AGT: variants seen among roughly 807,000 people sequenced by gnomAD.
AGT encodes the protein alpha-1 antiproteinase, antitrypsin.
AGT carries 26 observed loss-of-function variants against 28.1 expected under a neutral mutation model. The observed-to-expected ratio is 0.92, with a 90% CI of 0.68 to 1.28. The LOEUF is 1.28. Among genes scored for constraint, AGT ranks in the 50% most tolerant of loss-of-function variants. The probability of loss-of-function intolerance (pLI) is 0.00; values close to 1 mark genes in which losing one functional copy is unlikely to be tolerated. For missense variants in AGT, 596 were observed against 592.3 expected (o/e 1.01, Z -0.06); for synonymous variants, 259 against 259.6 (o/e 1.00, Z 0.02).
intron 1 of AGT, among the ~76,000 whole-genome samples, chr1:230,729,535 C>A (rs1473743142): frequency 2.0e-5 from 3 of 152,164 alleles, no homozygotes; most frequent in African/African-American, 7.2e-5. Flanking sequence ...ACCCGGGAGC[C>A]ATCTCCTTGA....
intron 1 of AGT, among the ~76,000 whole-genome samples, chr1:230,730,517 G>A (rs1472911865): frequency 3.3e-5 from 5 of 152,210 alleles, no homozygotes; most frequent in East Asian, 3.9e-4. Context: ...TTGGCTTCAC[G>A]ATACCATCTT....
intron 1 of AGT, among the ~76,000 whole-genome samples, chr1:230,729,382 C>T (rs2102801979): frequency 6.6e-6 from 1 of 152,350 alleles, no homozygotes; most frequent in Non-Finnish European, 1.5e-5. Context: ...AGGTTTCCCT[C>T]CCTCTCTTAT....
Position 230,705,939 on chromosome 1 carries a change from G to GTTTCTTC in AGT, c.1090_1091insGAAGAAA (p.Ser364Ter). On this transcript the variant is annotated stop_gained and frameshift_variant, in exon 3 of 5. Transcript: ENST00000366667. LOFTEE classifies it high-confidence loss of function. ...GAGACCGGGAGGCTCCTACCGGGGA[G>GTTTCTTC]ATAGTTTCTTCATCCAGTTGAGGGA... 6.2e-7 allele frequency: 1 copy of GTTTCTTC among 1,614,106 alleles called. No homozygotes were observed. Among genetic ancestry groups the GTTTCTTC allele is most frequent in the Non-Finnish European group, 8.5e-7 (1 of 1,179,996 alleles).
rs1663533514 is a variant in AGT at position 230,710,176 on chromosome 1, C to A, written c.648G>T (p.Gln216His). The A allele has an allele frequency of 6.2e-7, 1 of 1,614,092 alleles. No homozygotes were observed. The highest frequency in any genetic ancestry group is 8.5e-7 in the Non-Finnish European group (1 of 1,180,028). ...PGLHLKQPFVQGLALYTPVVL... is the reference protein window; with the variant it reads ...PGLHLKQPFVHGLALYTPVVL... ...CCACAGGGGTATAGAGAGCCAGGCC[C>A]TGCACAAACGGCTGCTTCAGGTGCA... Residue 216 changes from glutamine (Q) to histidine (H), a missense_variant, in exon 2 of 5, where the codon CAG becomes CAT. Gln to His is a conservative substitution (Grantham distance 24). Coordinates refer to ENST00000366667, the MANE Select transcript of AGT (RefSeq NM_001384479.1).
In AGT at chr1:230,710,077, C is replaced by T; in HGVS notation, c.747G>A (p.Val249=). The T allele has an allele frequency of 1.2e-6, 2 of 1,614,214 alleles. No homozygotes were observed. Among genetic ancestry groups the T allele is most frequent in the Non-Finnish European group, 1.7e-6 (2 of 1,180,038 alleles). ...GGGAGCAGCCAGTCTTCCATCCTGT[C>T]ACAGCCTGCATGAACCTGTCAATCT... ...AEKIDRFMQA[V]TGWKTGCSLM... is the part of the protein sequence containing the mutation. The change falls in exon 2 of 5, where the codon GTG becomes GTA. Residue 249 remains valine, a synonymous_variant. Transcript: ENST00000366667.
chr1:230,705,242 T>A (rs1194078486), intron 3 of AGT, among the ~76,000 whole-genome samples: 1 of 152,140 alleles, frequency 6.6e-6, no homozygotes, highest in Non-Finnish European at 1.5e-5. Flanking sequence ...ATGGTTACGA[T>A]GGCAAATTTT....
intron 1 of AGT, among the ~76,000 whole-genome samples, chr1:230,741,505 G>T (rs1169824597): frequency 6.6e-6 from 1 of 152,230 alleles, no homozygotes; most frequent in Non-Finnish European, 1.5e-5. Context: ...TGCCTTTCAG[G>T]AGATGGCTCT....
chr1:230,717,569 C>T (rs1422479914), upstream of AGT, among the ~76,000 whole-genome samples: 1 of 152,176 alleles, frequency 6.6e-6, no homozygotes, highest in Admixed American at 6.5e-5. Flanking sequence ...GCCTTGTTCT[C>T]TGCTGGGATC....
In AGT at chr1:230,710,253, G is replaced by A. The variant is rs745718212; in HGVS notation, c.571C>T (p.Gln191Ter). 1.9e-6 allele frequency: 3 copies of A among 1,613,710 alleles called. No individual in the cohort carries two copies. The highest frequency in any genetic ancestry group is 4.5e-5 in the East Asian group (2 of 44,886). The change falls in exon 2 of 5, where the codon CAG becomes TAG. Residue 191 changes from glutamine (Q) to a stop codon, truncating the protein, a stop_gained. Transcript: ENST00000366667. LOFTEE classifies it high-confidence loss of function. ...ACCGTGGACAGCAGCAGCTGGGCCT[G>A]GCTATCAGCCCTGCCCTGGGCCACT... Reference protein sequence around the residue: ...LLVAQGRADSQAQLLLSTVVG... With the variant: ...LLVAQGRADS
intron 1 of AGT, among the ~76,000 whole-genome samples, chr1:230,739,631 A>T (rs1340064870): frequency 2.6e-5 from 4 of 152,176 alleles, no homozygotes; most frequent in African/African-American, 9.7e-5. Flanking sequence ...CGATAGGAAA[A>T]TGAAACACAA....
chr1:230,732,552 A>G (rs1160330974), intron 1 of AGT, among the ~76,000 whole-genome samples: 3 of 152,228 alleles, frequency 2.0e-5, no homozygotes, highest in Admixed American at 2.0e-4. Flanking sequence ...AACTCCTAAT[A>G]GCCCACTGTT....
At chr1:230,719,763 T>TGCAGA (rs1291280726) in intron 1 of AGT, among the ~76,000 whole-genome samples, 2 of 152,178 alleles carry the variant, frequency 1.3e-5, no homozygotes, top group Admixed American at 1.3e-4. Context: ...TGTCAACAGT[T>TGCAGA]GCAGATTTAT....
intron 2 of AGT, among the ~76,000 whole-genome samples, chr1:230,707,973 C>T (rs1663443647): frequency 6.6e-6 from 1 of 152,182 alleles, no homozygotes; most frequent in Admixed American, 6.5e-5. Context: ...ATCCTCAGGT[C>T]CTCTCTAGTG....
At chr1:230,719,406 G>GTTT (rs57830002), upstream of AGT, among the ~76,000 whole-genome samples, 12 of 100,324 alleles carry the variant, frequency 1.2e-4, no homozygotes, top group Non-Finnish European at 2.2e-4. Context: ...TTATCATTAT[G>GTTT]TTTTTTTTTT....
chr1:230,732,218 C>T (rs1664082407), intron 1 of AGT, among the ~76,000 whole-genome samples: 1 of 152,120 alleles, frequency 6.6e-6, no homozygotes, highest in Admixed American at 6.5e-5. Flanking sequence ...TCAGGCTGGT[C>T]TCAAATTCTG....
Position 230,711,484 on chromosome 1 carries a change from T to G in AGT, c.-30-631A>C, listed in dbSNP as rs147447205. ...AAGCAGATTAAGACATGCTCCTGCC[T>G]GCAGCTGTAAGTTCTCTTCCTAGAG... is the stretch of plus-strand genomic sequence containing the variant. On this transcript the variant is annotated intron_variant, in intron 1 of 4. Transcript: ENST00000366667. Among the ~76,000 whole-genome samples, 422 of 152,282 alleles carry G rather than the reference T, an allele frequency of 2.8e-3. 1 individual carries two copies. Among genetic ancestry groups the G allele is most frequent in the Non-Finnish European group, 4.6e-3 (313 of 68,012 alleles).
chr1:230,736,173 G>T (rs546191903), intron 1 of AGT, among the ~76,000 whole-genome samples: 10 of 152,022 alleles, frequency 6.6e-5, no homozygotes, highest in Non-Finnish European at 1.3e-4. Context: ...GTTTGTGTGT[G>T]TGTGTGTGTG....
At chr1:230,734,947 C>T (rs1288353994) in intron 1 of AGT, among the ~76,000 whole-genome samples, 2 of 152,068 alleles carry the variant, frequency 1.3e-5, no homozygotes, top group Non-Finnish European at 2.9e-5. Flanking sequence ...ATCTCCTGAC[C>T]TCGTGATCTG....
chr1:230,729,978 G>A (rs949846964), intron 1 of AGT, among the ~76,000 whole-genome samples: 32 of 151,842 alleles, frequency 2.1e-4, no homozygotes, highest in East Asian at 4.0e-4. Context: ...TGGCTAACAC[G>A]GTGAAAACCC....
Sources: allele counts gnomAD v4.1 joint callset (sites outside exome capture counted in the v4.1 genomes callset), GRCh38; gene constraint gnomAD v4.1.1; transcripts MANE v1.5; gene names NCBI Gene and HGNC (gene_info 2026-07-23, HGNC 2026-07-21).